DNAI3: variants seen among roughly 807,000 people sequenced by gnomAD.
The protein encoded by DNAI3 is WD repeat domain 63.
In DNAI3, 83 loss-of-function variants were observed where a neutral mutation model predicts 115.5. The ratio of observed to expected loss-of-function variants is 0.72; its 90% CI spans 0.60 to 0.86. The LOEUF is 0.86. Ranked by LOEUF, DNAI3 falls within the 40% of genes least tolerant of loss-of-function variation. The pLI is 0.00. For synonymous variants in DNAI3, 320 were observed against 347.0 expected (o/e 0.92, Z 0.86); for missense variants, 1,004 against 1,075.8 (o/e 0.93, Z 0.93).
intron 20 of DNAI3, among the ~76,000 whole-genome samples, chr1:85,127,328 A>G (rs709779): frequency 0.92 from 140,628 of 152,282 alleles, 64,964 homozygotes; most frequent in Middle Eastern, 0.95. Context: ...CTATAGAAAC[A>G]TGATGTATGT....
rs180718998 is a variant in DNAI3, at chr1:85,076,368, A to T, written c.103+3276A>T. Among the ~76,000 whole-genome samples, 707 of 152,352 alleles carry T rather than the reference A, an allele frequency of 4.6e-3. 3 individuals are homozygous for T. The highest frequency in any genetic ancestry group is 9.3e-3 in the Admixed American group (143 of 15,306). On this transcript the variant is annotated intron_variant, in intron 3 of 22. Coordinates refer to ENST00000294664, the MANE Select transcript of DNAI3 (RefSeq NM_145172.5). ...AAATAAATAAAAAGAACATAAAAACAAAAACAACAAAAAGTAGAGATCCGT... is the reference window on the plus strand; with the variant it reads ...AAATAAATAAAAAGAACATAAAAACTAAAACAACAAAAAGTAGAGATCCGT...
intron 17 of DNAI3, among the ~76,000 whole-genome samples, chr1:85,118,836 G>A (rs1655908560): frequency 6.6e-6 from 1 of 152,056 alleles, no homozygotes. Flanking sequence ...CTTGGATGTT[G>A]GAGGTTGAGA....
chr1:85,098,590 G>A lies in DNAI3; in HGVS notation c.1411G>A (p.Val471Ile), dbSNP rs747628024. ...AGCAATGTATATCAGACACTGTGCA[G>A]TCTCTTCAATAGAAAATGGACATAA... Reference protein sequence around the residue: ...KEAMYIRHCAVSSIENGHKKV... With the variant: ...KEAMYIRHCAISSIENGHKKV... The change falls in exon 13 of 23, where the codon GTC (valine) becomes ATC (isoleucine). Residue 471 changes from valine to isoleucine, a missense_variant. Val to Ile is a conservative substitution (Grantham distance 29). Coordinates refer to ENST00000294664, the MANE Select transcript of DNAI3 (RefSeq NM_145172.5). The A allele has an allele frequency of 1.2e-6, 2 of 1,613,608 alleles. No homozygotes were observed. The highest frequency in any genetic ancestry group is 1.7e-5 in the Admixed American group (1 of 59,996).
chr1:85,087,251 C>T (rs947464826), intron 7 of DNAI3, among the ~76,000 whole-genome samples: 9 of 152,002 alleles, frequency 5.9e-5, no homozygotes, highest in South Asian at 2.1e-4. Context: ...TCCTGGCCAA[C>T]ACGGTGAAAC....
At chr1:85,096,929 A>T (rs1169482516) in intron 11 of DNAI3, among the ~76,000 whole-genome samples, 2 of 152,160 alleles carry the variant, frequency 1.3e-5, no homozygotes, top group African/African-American at 2.4e-5. Flanking sequence ...AGGTAATGTG[A>T]CTTTATTTTA....
intron 1 of DNAI3, 63 bp from the exon 2 acceptor site, chr1:85,071,865 T>C: frequency 7.0e-7 from 1 of 1,433,300 alleles, no homozygotes; most frequent in South Asian, 1.2e-5. Flanking sequence ...ATGTTTAGTA[T>C]TTGAAATTGT....
intron 14 of DNAI3, among the ~76,000 whole-genome samples, chr1:85,106,828 C>T (rs758682898): frequency 6.6e-5 from 10 of 152,122 alleles, no homozygotes; most frequent in Non-Finnish European, 1.5e-4. Context: ...ACTGGATATC[C>T]ACGTGCAAAA....
chr1:85,064,250 G>A (rs1235554952), intron 1 of DNAI3, among the ~76,000 whole-genome samples: 1 of 152,184 alleles, frequency 6.6e-6, no homozygotes, highest in Non-Finnish European at 1.5e-5. Context: ...AACCAGAGGA[G>A]GCTGTGGGAG....
At chr1:85,127,507 G>T (rs1158551282) in intron 20 of DNAI3, among the ~76,000 whole-genome samples, 5 of 152,062 alleles carry the variant, frequency 3.3e-5, no homozygotes, top group African/African-American at 1.2e-4. Context: ...AAAGTTCTGG[G>T]ATTATAGGGG....
intron 18 of DNAI3, among the ~76,000 whole-genome samples, chr1:85,123,449 C>T (rs746957742): frequency 1.3e-5 from 2 of 152,148 alleles, no homozygotes; most frequent in Admixed American, 6.5e-5. Context: ...AGATTGCTGT[C>T]GGGGGTGCCT....
chr1:85,127,761 T>G (rs763095844), intron 20 of DNAI3, among the ~76,000 whole-genome samples: 2 of 152,122 alleles, frequency 1.3e-5, no homozygotes, highest in Non-Finnish European at 2.9e-5. Flanking sequence ...ATCCAGGATT[T>G]TGCAATTTGA....
rs548998813 is a variant in DNAI3 at position 85,072,489 on chromosome 1, C to G, written c.64+484C>G. Among the ~76,000 whole-genome samples the G allele has an allele frequency of 5.9e-3, 874 of 147,702 alleles. 3 individuals carry two copies. Among genetic ancestry groups the G allele is most frequent in the Middle Eastern group, 0.015 (4 of 270 alleles). Reference sequence around the variant, plus strand: ...AAACCCCGTCTCTACTAAAAATACACAAATTAGCCAGGCGTGGTGGCACGC... The same window carrying G: ...AAACCCCGTCTCTACTAAAAATACAGAAATTAGCCAGGCGTGGTGGCACGC... On this transcript the variant is annotated intron_variant, in intron 2 of 22. Transcript: ENST00000294664.
intron 3 of DNAI3, among the ~76,000 whole-genome samples, chr1:85,073,946 T>C (rs1571156498): frequency 1.3e-5 from 2 of 151,930 alleles, no homozygotes; most frequent in East Asian, 3.9e-4. Context: ...AGTGGGAGAA[T>C]GTCAGCTAAT....
Position 85,067,778 on chromosome 1 carries a change from T to TG in DNAI3, c.-14-4145dup, listed in dbSNP as rs1472629115. On this transcript the variant is annotated intron_variant, in intron 1 of 22. Coordinates refer to ENST00000294664, the MANE Select transcript of DNAI3 (RefSeq NM_145172.5). ...CCCTTCTGACTTTGAAGTTGGAGGT[T>TG]GGGGGCCACAAACCAAGAAGTGCTG... Among the ~76,000 whole-genome samples the TG allele has an allele frequency of 2.0e-5, 3 of 152,262 alleles. No individual in the cohort carries two copies. The East Asian group carries it at 5.8e-4, about 29-fold the overall frequency.
intron 21 of DNAI3, among the ~76,000 whole-genome samples, chr1:85,129,544 T>G (rs948070409): frequency 3.9e-5 from 6 of 152,036 alleles, no homozygotes; most frequent in African/African-American, 1.4e-4. Flanking sequence ...CTCATCTGGG[T>G]TTTCTAAGTT....
At chr1:85,072,290 T>C (rs1422516189) in intron 2 of DNAI3, among the ~76,000 whole-genome samples, 2 of 152,248 alleles carry the variant, frequency 1.3e-5, no homozygotes, top group Non-Finnish European at 2.9e-5. Context: ...ATTCACAAGA[T>C]AGTTTAAGTC....
chr1:85,074,667 C>T (rs1654395544), intron 3 of DNAI3, among the ~76,000 whole-genome samples: 1 of 152,182 alleles, frequency 6.6e-6, no homozygotes, highest in African/African-American at 2.4e-5. Context: ...AGTCAATTCT[C>T]GTTCGTGTAT....
intron 1 of DNAI3, among the ~76,000 whole-genome samples, chr1:85,069,595 C>T (rs960928366): frequency 1.1e-4 from 16 of 152,020 alleles, no homozygotes; most frequent in African/African-American, 3.9e-4. Flanking sequence ...ACCATGTTGG[C>T]CAGGTTGATC....
At chr1:85,113,862 A>G (rs77216717) in intron 16 of DNAI3, among the ~76,000 whole-genome samples, 1 of 152,084 alleles carries the variant, frequency 6.6e-6, no homozygotes, top group South Asian at 2.1e-4. Flanking sequence ...AATTTCTCAG[A>G]TATGTTTTGT....
Sources: allele counts gnomAD v4.1 joint callset (sites outside exome capture counted in the v4.1 genomes callset), GRCh38; gene constraint gnomAD v4.1.1; transcripts MANE v1.5; gene names NCBI Gene and HGNC (gene_info 2026-07-23, HGNC 2026-07-21).